TBC1D5: variants seen among roughly 807,000 people sequenced by gnomAD.
TBC1D5 encodes TBC1 domain family, member 5.
TBC1D5 carries 75 observed loss-of-function variants against 100.3 expected under a neutral mutation model. The ratio of observed to expected loss-of-function variants is 0.75; its 90% CI spans 0.62 to 0.91. TBC1D5 has a LOEUF of 0.91. TBC1D5 is among the 40% of genes least tolerant of loss of function. The pLI is 0.00. For synonymous variants in TBC1D5, 323 were observed against 325.6 expected, an observed-to-expected ratio of 0.99 and a Z score of 0.09; for missense variants, 910 against 942.4, an observed-to-expected ratio of 0.97 and a Z score of 0.45.
chr3:17,586,298 G>C (rs1266515193), intron 2 of TBC1D5: 1 of 152,118 alleles, frequency 6.6e-6, no homozygotes, highest in Non-Finnish European at 1.5e-5. Context: ...ACTATGGTAA[G>C]GGTATTGAGA....
intron 15 of TBC1D5, among the ~76,000 whole-genome samples, chr3:17,259,379 G>A (rs1052005286): frequency 1.3e-5 from 2 of 151,932 alleles, no homozygotes; most frequent in Non-Finnish European, 2.9e-5. Flanking sequence ...CCTCACAGGC[G>A]AGTAAAAATT....
At chr3:17,530,606 A>T (rs952526245) in intron 2 of TBC1D5, among the ~76,000 whole-genome samples, 2 of 152,200 alleles carry the variant, frequency 1.3e-5, no homozygotes, top group African/African-American at 4.8e-5. Context: ...TTGAATAGTT[A>T]TATTTTCTTG....
At chr3:17,198,443 T>C (rs1413370285) in intron 18 of TBC1D5, among the ~76,000 whole-genome samples, 1 of 152,218 alleles carries the variant, frequency 6.6e-6, no homozygotes, top group Non-Finnish European at 1.5e-5. Flanking sequence ...AGGATTAAAT[T>C]TGAATTTCAT....
rs187651831 is a variant in TBC1D5, at chr3:17,570,830, T to C, written c.-36+53019A>G. Reference sequence around the variant, plus strand: ...CATCTTATTACATTATTGTAATTATTAAAGTTATTGTTGCAACCTCTAAGT... The same window carrying C: ...CATCTTATTACATTATTGTAATTATCAAAGTTATTGTTGCAACCTCTAAGT... On this transcript the variant is annotated intron_variant, in intron 2 of 21. Transcript: ENST00000253692. Among the ~76,000 whole-genome samples the C allele has an allele frequency of 7.7e-3, 1,179 of 152,154 alleles. 15 individuals are homozygous for C. Among genetic ancestry groups the C allele is most frequent in the Non-Finnish European group, 0.013 (908 of 67,946 alleles).
intron 13 of TBC1D5, among the ~76,000 whole-genome samples, chr3:17,320,310 G>C (rs1357807793): frequency 6.6e-6 from 1 of 152,202 alleles, no homozygotes; most frequent in African/African-American, 2.4e-5. Context: ...ATGAAAATTT[G>C]TTCAAACTGC....
chr3:17,295,980 CA>C (rs1021187633), intron 14 of TBC1D5, among the ~76,000 whole-genome samples: 2 of 152,172 alleles, frequency 1.3e-5, no homozygotes, highest in African/African-American at 2.4e-5. Context: ...AGGGCAAAGA[CA>C]GGGCTGAACC....
intron 3 of TBC1D5, among the ~76,000 whole-genome samples, chr3:17,466,359 T>A (rs567005804): frequency 6.6e-6 from 1 of 152,240 alleles, no homozygotes; most frequent in South Asian, 2.1e-4. Context: ...AAGAAAAAAA[T>A]ATTTAGATAG....
At chr3:17,411,095 C>G (rs1268147758) in intron 4 of TBC1D5, among the ~76,000 whole-genome samples, 1 of 152,026 alleles carries the variant, frequency 6.6e-6, no homozygotes, top group South Asian at 2.1e-4. Flanking sequence ...ACAGTTACCC[C>G]CAACCTTCAG....
chr3:17,201,942 C>T (rs2071512328), intron 18 of TBC1D5, among the ~76,000 whole-genome samples: 1 of 152,086 alleles, frequency 6.6e-6, no homozygotes, highest in South Asian at 2.1e-4. Flanking sequence ...GGCAGCATTG[C>T]TACAAAGATA....
chr3:17,515,366 T>C (rs951310662), intron 2 of TBC1D5, among the ~76,000 whole-genome samples: 11 of 152,196 alleles, frequency 7.2e-5, no homozygotes, highest in Non-Finnish European at 1.0e-4. Flanking sequence ...TTTTAGTACT[T>C]CCTTTAGTTG....
intron 1 of TBC1D5, among the ~76,000 whole-genome samples, chr3:17,730,308 C>G (rs1174698678): frequency 6.6e-6 from 1 of 152,196 alleles, no homozygotes; most frequent in Non-Finnish European, 1.5e-5. Context: ...CCTCTTGAAT[C>G]TGGGCTGACT....
chr3:17,383,214 C>T (rs533442999), intron 9 of TBC1D5, among the ~76,000 whole-genome samples: 2 of 151,878 alleles, frequency 1.3e-5, no homozygotes, highest in South Asian at 2.1e-4. Flanking sequence ...ATTAGGTATA[C>T]ATTATAACTT....
intron 2 of TBC1D5, among the ~76,000 whole-genome samples, chr3:17,600,066 A>C (rs2060828614): frequency 6.6e-6 from 1 of 152,258 alleles, no homozygotes; most frequent in South Asian, 2.1e-4. Flanking sequence ...TGAAGCTGAG[A>C]AAATAGATCT....
intron 13 of TBC1D5, among the ~76,000 whole-genome samples, chr3:17,336,272 A>G (rs2151280966): frequency 6.6e-6 from 1 of 152,244 alleles, no homozygotes. Context: ...TATGGCCTAG[A>G]AAACAAAGGG....
At chr3:17,647,167 T>C (rs1356091796) in intron 1 of TBC1D5, 2 of 152,130 alleles carry the variant, frequency 1.3e-5, no homozygotes, top group East Asian at 1.9e-4. Flanking sequence ...TGTAACTCTC[T>C]TCCCCTTATT....
At chr3:17,420,536 A>AT (rs922104032) in intron 4 of TBC1D5, among the ~76,000 whole-genome samples, 1 of 152,104 alleles carries the variant, frequency 6.6e-6, no homozygotes, top group African/African-American at 2.4e-5. Context: ...ATATTGGTGA[A>AT]TTTTTTTAAA....
At chr3:17,417,742 T>C (rs1463765301) in intron 4 of TBC1D5, among the ~76,000 whole-genome samples, 3 of 152,124 alleles carry the variant, frequency 2.0e-5, no homozygotes, top group Non-Finnish European at 4.4e-5. Context: ...GTATTTCTAG[T>C]TCTAGATCCC....
chr3:17,718,079 C>T (rs767961117), intron 1 of TBC1D5, among the ~76,000 whole-genome samples: 19 of 152,138 alleles, frequency 1.2e-4, no homozygotes, highest in Admixed American at 2.6e-4. Context: ...AGGTGCCCTC[C>T]AACACATTTG....
At chr3:17,447,334 G>C (rs1175049331) in intron 3 of TBC1D5, among the ~76,000 whole-genome samples, 8 of 152,158 alleles carry the variant, frequency 5.3e-5, no homozygotes, top group Non-Finnish European at 1.0e-4. Context: ...AGATAAGAAG[G>C]ACTATCAACA....
Sources: gnomAD v4.1 joint callset for allele counts (sites outside exome capture counted in the v4.1 genomes callset) on GRCh38, gnomAD v4.1.1 for gene constraint, MANE v1.5 for transcripts, NCBI Gene and HGNC (gene_info 2026-07-23, HGNC 2026-07-21) for gene names.